Variants in LGR6 observed in about 807,000 individuals in gnomAD.
LGR6 encodes leucine rich repeat containing G protein-coupled receptor 6, also known as leucine-rich repeat-containing G protein-coupled receptor 6.
In LGR6, 45 loss-of-function variants were observed where a neutral mutation model predicts 69.4. The observed-to-expected ratio is 0.65, with a 90% CI of 0.51 to 0.83. The LOEUF (loss-of-function observed/expected upper bound fraction) is 0.83, where lower values mean the gene tolerates loss of function less well. LGR6 is among the 40% of genes least tolerant of loss of function. LGR6 has a pLI of 0.00. For synonymous variants in LGR6, 538 were observed against 555.0 expected, an observed-to-expected ratio of 0.97 and a Z score of 0.43; for missense variants, 1,108 against 1,246.7, an observed-to-expected ratio of 0.89 and a Z score of 1.68.
At chr1:202,203,231 A>G (rs919826996) in intron 1 of LGR6, among the ~76,000 whole-genome samples, 1 of 152,126 alleles carries the variant, frequency 6.6e-6, no homozygotes, top group East Asian at 1.9e-4. Flanking sequence ...CTCCTGAGAA[A>G]CAGGCCAAAG....
chr1:202,238,769 G>T (rs1024369185), intron 4 of LGR6, among the ~76,000 whole-genome samples: 1 of 151,520 alleles, frequency 6.6e-6, no homozygotes, highest in Non-Finnish European at 1.5e-5. Context: ...GGCAGAACCA[G>T]AGTTGAGCCT....
chr1:202,302,740 T>A (rs1667697276), intron 9 of LGR6, among the ~76,000 whole-genome samples: 1 of 152,040 alleles, frequency 6.6e-6, no homozygotes, highest in Non-Finnish European at 1.5e-5. Flanking sequence ...AGAGATGGGG[T>A]TTCACCATGT....
rs751639575 is a variant in LGR6 at position 202,225,450 on chromosome 1, G to C, written c.240G>C (p.Glu80Asp). Residue 80 changes from glutamate to aspartate, a missense_variant, in exon 2 of 18, where the codon GAG becomes GAC. Coordinates refer to ENST00000367278, the MANE Select transcript of LGR6 (RefSeq NM_001017403.2). ...YLDLSMNNLT[E>D]LQPGLFHHLR... is the part of the protein sequence containing the mutation. ...ACCTCAGCATGAACAACCTCACAGA[G>C]CTTCAGCCTGGCCTCTTCCACCACC... is the stretch of plus-strand genomic sequence containing the variant. 1.2e-6 allele frequency: 2 copies of C among 1,613,994 alleles called. No individual in the cohort carries two copies. Among genetic ancestry groups the C allele is most frequent in the South Asian group, 2.2e-5 (2 of 91,068 alleles).
At chr1:202,279,850 A>AT (rs1558058655) in intron 5 of LGR6, among the ~76,000 whole-genome samples, 2 of 152,094 alleles carry the variant, frequency 1.3e-5, no homozygotes, top group Non-Finnish European at 2.9e-5. Flanking sequence ...TTATTGACTC[A>AT]TTTTTTCAAG....
intron 4 of LGR6, among the ~76,000 whole-genome samples, chr1:202,274,309 G>A (rs1665362522): frequency 1.3e-5 from 2 of 152,188 alleles, no homozygotes; most frequent in African/African-American, 4.8e-5. Flanking sequence ...TAGGCATTGC[G>A]CTGGGTGCTG....
chr1:202,209,996 G>A (rs1188513162), intron 1 of LGR6, among the ~76,000 whole-genome samples: 1 of 152,250 alleles, frequency 6.6e-6, no homozygotes, highest in African/African-American at 2.4e-5. Flanking sequence ...GGACATCACG[G>A]TTGATTTACT....
chr1:202,290,693 A>T (rs1326055167), intron 6 of LGR6, among the ~76,000 whole-genome samples: 9 of 152,104 alleles, frequency 5.9e-5, no homozygotes, highest in African/African-American at 2.2e-4. Context: ...ACCAACATGG[A>T]GAAACCCCAT....
chr1:202,224,900 T>A (rs2993438), intron 1 of LGR6, among the ~76,000 whole-genome samples: 109,010 of 152,130 alleles, frequency 0.72, 41,416 homozygotes, highest in East Asian at 0.94. Context: ...GAATCAGAGG[T>A]TGGTCCCCCA....
At chr1:202,198,347 C>T (rs1364220920) in intron 1 of LGR6, among the ~76,000 whole-genome samples, 1 of 152,218 alleles carries the variant, frequency 6.6e-6, no homozygotes, top group Non-Finnish European at 1.5e-5. Flanking sequence ...CACCTGTAAA[C>T]AGGGTTAAGA....
At chr1:202,249,795 C>T (rs371357117) in intron 4 of LGR6, among the ~76,000 whole-genome samples, 4 of 152,220 alleles carry the variant, frequency 2.6e-5, no homozygotes, top group East Asian at 3.9e-4. Flanking sequence ...ATTGTCTGCC[C>T]GCCATCATCA....
intron 4 of LGR6, among the ~76,000 whole-genome samples, chr1:202,247,414 G>C (rs1373441819): frequency 6.6e-6 from 1 of 152,194 alleles, no homozygotes; most frequent in Non-Finnish European, 1.5e-5. Context: ...AACCTCAGCT[G>C]AGATGGACAG....
At chr1:202,317,780 T>G (rs1348263475) in intron 17 of LGR6, among the ~76,000 whole-genome samples, 172 bp from the exon 18 acceptor site, 1 of 152,208 alleles carries the variant, frequency 6.6e-6, no homozygotes, top group African/African-American at 2.4e-5. Flanking sequence ...CTTGGAGTTC[T>G]CTGGGGCCAG....
At chr1:202,239,192 C>T (rs1661926176) in intron 4 of LGR6, among the ~76,000 whole-genome samples, 1 of 152,152 alleles carries the variant, frequency 6.6e-6, no homozygotes. Flanking sequence ...CTGGCGTACG[C>T]AAGTAGCCCT....
chr1:202,238,976 A>G lies in LGR6; in HGVS notation c.428+2983A>G, dbSNP rs530916939. Among the ~76,000 whole-genome samples, 48 of 151,922 alleles carry G rather than the reference A, an allele frequency of 3.2e-4. 2 individuals carry two copies. The South Asian group carries it at 9.8e-3, about 31-fold the overall frequency. On this transcript the variant is annotated intron_variant, in intron 4 of 17. Coordinates refer to ENST00000367278, the MANE Select transcript of LGR6 (RefSeq NM_001017403.2). ...CCTGGGTGCCGGCGGGCTGAGGCGT[A>G]AAATGGCGTCAGCCCCCAAAATGGC...
At chr1:202,296,714 G>T (rs980900129) in intron 6 of LGR6, among the ~76,000 whole-genome samples, 4 of 152,142 alleles carry the variant, frequency 2.6e-5, no homozygotes, top group African/African-American at 9.7e-5. Flanking sequence ...TCAATATTTT[G>T]CCCCTGGTGC....
chr1:202,284,441 C>T (rs186514925), intron 6 of LGR6, among the ~76,000 whole-genome samples: 1 of 152,200 alleles, frequency 6.6e-6, no homozygotes, highest in Admixed American at 6.5e-5. Flanking sequence ...TTGCCCATGT[C>T]ACTGTAATTT....
chr1:202,280,826 C>A lies in LGR6; in HGVS notation c.690C>A (p.Phe230Leu). ...NRIQHLGTHS[F>L]EGLHNLETLD... The stretch of plus-strand genomic sequence containing the variant: ...TCCAGCATCTGGGGACCCACAGCTT[C>A]GAGGGGCTGCACAATCTGGAGACAC... Residue 230 changes from phenylalanine to leucine, a missense_variant, in exon 6 of 18, where the codon TTC becomes TTA. Physicochemically the swap from Phe to Leu is conservative, Grantham distance 22. Coordinates refer to ENST00000367278, the MANE Select transcript of LGR6 (RefSeq NM_001017403.2). The A allele has an allele frequency of 6.2e-7, 1 of 1,614,094 alleles. No homozygotes were observed. Among genetic ancestry groups the A allele is most frequent in the Non-Finnish European group, 8.5e-7 (1 of 1,179,984 alleles).
At chr1:202,294,364 C>A (rs1348660584) in intron 6 of LGR6, among the ~76,000 whole-genome samples, 1 of 152,182 alleles carries the variant, frequency 6.6e-6, no homozygotes, top group Non-Finnish European at 1.5e-5. Context: ...CATAACAAAT[C>A]ACCCCAAAAT....
In LGR6 at chr1:202,194,175, G is replaced by A. The variant is rs201823970; in HGVS notation, c.186G>A (p.Gly62=). The A allele has an allele frequency of 6.1e-5, 95 of 1,565,230 alleles. No homozygotes were observed. The highest frequency in any genetic ancestry group is 2.6e-5 in the Non-Finnish European group (30 of 1,164,378). Residue 62 remains glycine (G), a synonymous_variant, in exon 1 of 18, where the codon GGG becomes GGA. Coordinates refer to ENST00000367278, the MANE Select transcript of LGR6 (RefSeq NM_001017403.2). ...CSELGLSAVP[G]DLDPLTAYLD... Reference sequence around the variant, plus strand: ...AGCTCGGGCTGTCCGCCGTTCCGGGGGACCTGGACCCCCTGACGGCTTACC... The same window carrying A: ...AGCTCGGGCTGTCCGCCGTTCCGGGAGACCTGGACCCCCTGACGGCTTACC...
Sources: allele counts gnomAD v4.1 joint callset (sites outside exome capture counted in the v4.1 genomes callset), GRCh38; gene constraint gnomAD v4.1.1; transcripts MANE v1.5; gene names NCBI Gene and HGNC (gene_info 2026-07-23, HGNC 2026-07-21).